Variants in TRIM33 observed in about 807,000 individuals in gnomAD.
The protein encoded by TRIM33 is tripartite motif containing 33.
In TRIM33, 20 loss-of-function variants were observed where a neutral mutation model predicts 125.4. The ratio of observed to expected loss-of-function variants is 0.16; its 90% CI spans 0.11 to 0.23. The LOEUF (loss-of-function observed/expected upper bound fraction) is 0.23. TRIM33 is among the 10% of genes least tolerant of loss of function. The pLI is 1.00. For synonymous variants in TRIM33, 564 were observed against 513.9 expected, an observed-to-expected ratio of 1.10 and a Z score of -1.32; for missense variants, 920 against 1,411.4, an observed-to-expected ratio of 0.65 and a Z score of 5.58.
At position 114,393,355 on chromosome 1, in the gene TRIM33, T is replaced by C. The variant is rs1317315705; in HGVS notation, c.*4293A>G. 5.0e-6 allele frequency: 1 copy of C among 199,852 alleles called. No homozygotes were observed. Among genetic ancestry groups the C allele is most frequent in the Non-Finnish European group, 1.0e-5 (1 of 96,922 alleles). The allele number at this position is 199,852 out of a possible 1,614,324, so 12.4% of individuals were successfully genotyped here. ...GCAGACATGCATTCCATCCTTAAGA[T>C]TGAAATTTAGGCCACACTTGAAAGG... On this transcript the variant is annotated 3_prime_UTR_variant, in exon 20 of 20. Coordinates refer to ENST00000358465, the MANE Select transcript of TRIM33 (RefSeq NM_015906.4).
Position 114,399,556 on chromosome 1 carries a change from T to C in TRIM33, c.3021A>G (p.Lys1007=), listed in dbSNP as rs918905055. 2 of 1,611,782 alleles carry C rather than the reference T, an allele frequency of 1.2e-6. No individual in the cohort carries two copies. The highest frequency in any genetic ancestry group is 1.1e-5 in the South Asian group (1 of 91,002). The part of the protein sequence containing the change: ...IKKPMDLSTV[K]KKLQKKHSQH... ...GGGAATGTTTTTTCTGAAGCTTCTT[T>C]TTCACGGTGGATAAATCCATTGGTT... Residue 1007 remains lysine (K), a synonymous_variant, in exon 18 of 20, where the codon AAA becomes AAG. Transcript: ENST00000358465.
rs768961090 is a variant in TRIM33 at position 114,402,871 on chromosome 1, T to C, written c.2781A>G (p.Ile927Met). 5 of 1,613,668 alleles carry C rather than the reference T, an allele frequency of 3.1e-6. 1 individual carries two copies. In the South Asian group the frequency reaches 3.3e-5, roughly 11 times the overall value. ...TLLSFPSGDWICTFCRDIGKP... is the reference protein window; with the variant it reads ...TLLSFPSGDWMCTFCRDIGKP... ...TTCCAATATCTCTACAAAATGTGCA[T>C]ATCCAGTCCCCACTAGACAGGGAAA... Residue 927 changes from isoleucine to methionine, a missense_variant, in exon 16 of 20, where the codon ATA (isoleucine) becomes ATG (methionine). By Grantham distance (10) the Ile-to-Met change is conservative. Coordinates refer to ENST00000358465, the MANE Select transcript of TRIM33 (RefSeq NM_015906.4).
In TRIM33 at chr1:114,397,771, T is replaced by C. The variant is rs763874275; in HGVS notation, c.3261A>G (p.Ala1087=). 1.2e-5 allele frequency: 19 copies of C among 1,613,812 alleles called. No individual in the cohort carries two copies. Among genetic ancestry groups the C allele is most frequent in the Admixed American group, 3.3e-5 (2 of 59,960 alleles). Residue 1087 remains alanine, a synonymous_variant, in exon 20 of 20, where the codon GCA becomes GCG. Transcript: ENST00000358465. ...LTEIYSDRTF[A]PLPEFEQEED... is the part of the protein sequence containing the mutation. Reference sequence around the variant, plus strand: ...CTTCCTGCTCAAACTCTGGCAAAGGTGCGAAGGTCCTGTCTGAGTAGATCT... The same window carrying C: ...CTTCCTGCTCAAACTCTGGCAAAGGCGCGAAGGTCCTGTCTGAGTAGATCT...
intron 11 of TRIM33, among the ~76,000 whole-genome samples, chr1:114,419,216 A>G (rs1330356732): frequency 2.0e-5 from 3 of 151,388 alleles, no homozygotes; most frequent in African/African-American, 4.8e-5. Context: ...AAAAAAAAAA[A>G]AAAAAGAAAG....
At chr1:114,499,092 A>G (rs1570675159) in intron 1 of TRIM33, among the ~76,000 whole-genome samples, 2 of 152,208 alleles carry the variant, frequency 1.3e-5, no homozygotes, top group African/African-American at 4.8e-5. Context: ...GATTTAAGAC[A>G]CTGGAAGAGA....
chr1:114,440,761 AG>A (rs1331685917), intron 4 of TRIM33, among the ~76,000 whole-genome samples: 1 of 152,086 alleles, frequency 6.6e-6, no homozygotes, highest in African/African-American at 2.4e-5. Flanking sequence ...ATGTAAAAAA[AG>A]GGGGGGAATA....
At chr1:114,421,351 TAAA>T in intron 11 of TRIM33, 82 bp downstream of exon 11, 4 of 1,087,472 alleles carry the variant, frequency 3.7e-6, no homozygotes, top group Non-Finnish European at 5.2e-6. Flanking sequence ...GATCCTGAAT[TAAA>T]AAAAAAAAAC....
At chr1:114,473,538 GA>G (rs1472250219) in intron 1 of TRIM33, among the ~76,000 whole-genome samples, 1 of 152,114 alleles carries the variant, frequency 6.6e-6, no homozygotes, top group Non-Finnish European at 1.5e-5. Context: ...AAATCGGAAT[GA>G]ATCAGGGTGG....
Position 114,397,336 on chromosome 1 carries a change from C to A in TRIM33, c.*312G>T, listed in dbSNP as rs923477615. The stretch of plus-strand genomic sequence containing the variant: ...AAGTATCCTGCACCAATCAATAGCA[C>A]ACAATCATCAATATTTGCCATTTCT... On this transcript the variant is annotated 3_prime_UTR_variant, in exon 20 of 20. Transcript: ENST00000358465. 4.9e-6 allele frequency: 2 copies of A among 410,054 alleles called. No homozygotes were observed. Among genetic ancestry groups the A allele is most frequent in the Middle Eastern group, 6.7e-4 (1 of 1,486 alleles). The allele number at this position is 410,054 out of a possible 1,614,324, so 25.4% of individuals were successfully genotyped here.
chr1:114,456,178 G>A (rs1258664447), intron 4 of TRIM33, among the ~76,000 whole-genome samples: 1 of 152,154 alleles, frequency 6.6e-6, no homozygotes, highest in Non-Finnish European at 1.5e-5. Context: ...AAGTACACCT[G>A]TCTAATATTG....
At chr1:114,437,381 C>T (rs1391889041) in intron 4 of TRIM33, among the ~76,000 whole-genome samples, 1 of 152,170 alleles carries the variant, frequency 6.6e-6, no homozygotes, top group African/African-American at 2.4e-5. Flanking sequence ...GCTCTGTTGC[C>T]AGGCTGGAGT....
At chr1:114,429,360 GTT>G (rs1392442712) in intron 6 of TRIM33, among the ~76,000 whole-genome samples, 1 of 141,874 alleles carries the variant, frequency 7.0e-6, no homozygotes. Context: ...GCTAATTTTT[GTT>G]TTTTTTTTTT....
chr1:114,393,284 CTG>C lies in TRIM33; in HGVS notation c.*4362_*4363del, dbSNP rs1557834848. ...TTTATAGGCTTATGTATATGTTTCA[CTG>C]TGTTTTAAAATGTAGTAGATGCCTA... On this transcript the variant is annotated 3_prime_UTR_variant, in exon 20 of 20. Transcript: ENST00000358465. 9.9e-6 allele frequency: 2 copies of C among 201,032 alleles called. No homozygotes were observed. The highest frequency in any genetic ancestry group is 1.9e-4 in the South Asian group (1 of 5,248). 12.5% of individuals were successfully genotyped at this position (201,032 alleles called of 1,614,324 possible). A position where few individuals can be genotyped will look rare whatever the true frequency, so the allele number is the denominator to read the frequency against.
At position 114,472,897 on chromosome 1, in the gene TRIM33, G is replaced by A. The variant is rs116089420; in HGVS notation, c.527-8509C>T. On this transcript the variant is annotated intron_variant, in intron 1 of 19. Transcript: ENST00000358465. ...GAAAAATAACTCATGACATACATGG[G>A]AACAATATGATTAACAATGAGCTGA... is the stretch of plus-strand genomic sequence containing the variant. 9.1e-3 allele frequency among the ~76,000 whole-genome samples: 1,375 copies of A among 151,624 alleles called. 10 individuals are homozygous for A. The highest frequency in any genetic ancestry group is 0.017 in the Middle Eastern group (5 of 294).
At chr1:114,490,657 T>C (rs1652006554) in intron 1 of TRIM33, 1 of 152,198 alleles carries the variant, frequency 6.6e-6, no homozygotes, top group African/African-American at 2.4e-5. Flanking sequence ...TACTAATGAA[T>C]GGTTAAACAA....
intron 4 of TRIM33, among the ~76,000 whole-genome samples, chr1:114,459,556 G>A (rs969421211): frequency 6.6e-6 from 1 of 152,114 alleles, no homozygotes. Context: ...GATCATTTGA[G>A]CCTAAGAGTT....
At chr1:114,500,954 G>A (rs1411320311) in intron 1 of TRIM33, among the ~76,000 whole-genome samples, 1 of 128,124 alleles carries the variant, frequency 7.8e-6, no homozygotes, top group Non-Finnish European at 1.7e-5. Flanking sequence ...ACTTTGGGAG[G>A]CCGAGGCGGG....
intron 1 of TRIM33, among the ~76,000 whole-genome samples, chr1:114,489,351 CA>C (rs754344555): frequency 3.3e-5 from 5 of 152,104 alleles, no homozygotes; most frequent in Non-Finnish European, 7.4e-5. Context: ...TAAAAGAAAA[CA>C]TAAGAATACA....
chr1:114,409,143 A>T (rs568813521), intron 12 of TRIM33, among the ~76,000 whole-genome samples: 1 of 152,356 alleles, frequency 6.6e-6, no homozygotes, highest in South Asian at 2.1e-4. Flanking sequence ...GAAAATCCAT[A>T]TTTACATGTG....
Sources: allele counts gnomAD v4.1 joint callset (sites outside exome capture counted in the v4.1 genomes callset), GRCh38; gene constraint gnomAD v4.1.1; transcripts MANE v1.5; gene names NCBI Gene and HGNC (gene_info 2026-07-23, HGNC 2026-07-21).